The following TNFSF4 variants were observed in gnomAD, a reference collection of about 807,000 sequenced individuals.
TNFSF4 encodes the protein TNF superfamily member 4, also known as tumor necrosis factor ligand superfamily member 4.
TNFSF4 carries 4 observed loss-of-function variants against 7.3 expected under a neutral mutation model. That is an observed-to-expected ratio of 0.55 (90% CI 0.27 to 1.25). The LOEUF (loss-of-function observed/expected upper bound fraction) is 1.25. Ranked by LOEUF, TNFSF4 falls within the 50% of genes most tolerant of loss-of-function variation. The pLI, the probability that TNFSF4 is intolerant of heterozygous loss-of-function variation, is 0.12. For missense variants in TNFSF4, 181 were observed against 208.8 expected (o/e 0.87, Z 0.82); for synonymous variants, 76 against 83.7 (o/e 0.91, Z 0.50).
chr1:173,404,639 T>C, the TNFSF4 span, among the ~76,000 whole-genome samples: 1 of 152,138 alleles, frequency 6.6e-6, no homozygotes, highest in East Asian at 1.9e-4. Flanking sequence ...CTGCCATTTT[T>C]TTTTTTTTTT....
the TNFSF4 span, among the ~76,000 whole-genome samples, chr1:173,250,464 T>G: frequency 6.9e-5 from 8 of 116,756 alleles, no homozygotes; most frequent in South Asian, 2.8e-4. Context: ...TGTTTTTTTG[T>G]TTTTTTTTTT....
the TNFSF4 span, among the ~76,000 whole-genome samples, chr1:173,271,671 T>C: frequency 6.6e-6 from 1 of 152,092 alleles, no homozygotes; most frequent in Non-Finnish European, 1.5e-5. Flanking sequence ...CCAGTTAGAA[T>C]GGCGATCATT....
At chr1:173,382,152 G>A in the TNFSF4 span, among the ~76,000 whole-genome samples, 11 of 152,154 alleles carry the variant, frequency 7.2e-5, no homozygotes, top group East Asian at 1.2e-3. Flanking sequence ...CACTCACTGC[G>A]AAGGTCTGCA....
chr1:173,195,125 T>C (rs1649645221), intron 1 of TNFSF4, among the ~76,000 whole-genome samples: 1 of 152,152 alleles, frequency 6.6e-6, no homozygotes. Context: ...ACATCCCTTC[T>C]CTTTATCCTA....
chr1:173,363,475 T>C, the TNFSF4 span: 12 of 416,172 alleles, frequency 2.9e-5, no homozygotes, highest in African/African-American at 1.5e-4. Flanking sequence ...TTTCACACTT[T>C]CTTCTGCCAG....
chr1:173,316,212 G>A, the TNFSF4 span, among the ~76,000 whole-genome samples: 16 of 152,088 alleles, frequency 1.1e-4, no homozygotes, highest in Middle Eastern at 6.8e-3. Context: ...TCAAAAATAA[G>A]TTGACCATAT....
the TNFSF4 span, among the ~76,000 whole-genome samples, chr1:173,237,481 A>T: frequency 6.6e-6 from 1 of 152,236 alleles, no homozygotes; most frequent in South Asian, 2.1e-4. Context: ...ATGCTTGCAG[A>T]TGACATGATT....
chr1:173,330,060 G>T, the TNFSF4 span, among the ~76,000 whole-genome samples: 1 of 151,952 alleles, frequency 6.6e-6, no homozygotes, highest in Non-Finnish European at 1.5e-5. Flanking sequence ...AGTAACACTG[G>T]TACTTTCAAA....
chr1:173,243,889 C>T, the TNFSF4 span, among the ~76,000 whole-genome samples: 2 of 152,216 alleles, frequency 1.3e-5, no homozygotes, highest in African/African-American at 2.4e-5. Flanking sequence ...TACTTCACAA[C>T]CATTTTAATC....
intron 1 of TNFSF4, among the ~76,000 whole-genome samples, chr1:173,191,163 G>A (rs1164125549): frequency 6.6e-6 from 1 of 152,126 alleles, no homozygotes; most frequent in African/African-American, 2.4e-5. Flanking sequence ...ATGAAGTAAG[G>A]GTGGCAGTGA....
the TNFSF4 span, among the ~76,000 whole-genome samples, chr1:173,259,264 G>A: frequency 6.6e-6 from 1 of 152,046 alleles, no homozygotes; most frequent in African/African-American, 2.4e-5. Context: ...TATTGAAGAA[G>A]GGCTTGACTG....
the TNFSF4 span, among the ~76,000 whole-genome samples, chr1:173,448,772 C>A: frequency 0.011 from 1,708 of 152,240 alleles, 29 homozygotes; most frequent in African/African-American, 0.038. Context: ...ATTTTCACTT[C>A]TTTTGTGATT....
chr1:173,268,916 T>C, the TNFSF4 span, among the ~76,000 whole-genome samples: 1 of 152,142 alleles, frequency 6.6e-6, no homozygotes, highest in Non-Finnish European at 1.5e-5. Context: ...GCACCTACCA[T>C]ATTTGAAATC....
At chr1:173,225,221 A>G in the TNFSF4 span, among the ~76,000 whole-genome samples, 1 of 152,164 alleles carries the variant, frequency 6.6e-6, no homozygotes, top group Non-Finnish European at 1.5e-5. Flanking sequence ...CCCTAACACT[A>G]AAAGAGGAAT....
At chr1:173,301,684 C>T in the TNFSF4 span, among the ~76,000 whole-genome samples, 1 of 151,816 alleles carries the variant, frequency 6.6e-6, no homozygotes, top group East Asian at 1.9e-4. Flanking sequence ...ACCTCCTCAT[C>T]CAACACCACC....
chr1:173,315,123 G>A, the TNFSF4 span, among the ~76,000 whole-genome samples: 4 of 152,096 alleles, frequency 2.6e-5, no homozygotes, highest in African/African-American at 7.2e-5. Context: ...TTTTTTACGT[G>A]TGACCTAAGT....
chr1:173,353,392 A>G, the TNFSF4 span, among the ~76,000 whole-genome samples: 1 of 152,214 alleles, frequency 6.6e-6, no homozygotes, highest in Non-Finnish European at 1.5e-5. Context: ...TCATGGCTTC[A>G]GCAGGTCCCT....
At chr1:173,389,125 A>T in the TNFSF4 span, among the ~76,000 whole-genome samples, 1 of 152,222 alleles carries the variant, frequency 6.6e-6, no homozygotes, top group African/African-American at 2.4e-5. Flanking sequence ...GAAAAACTAA[A>T]GCTATCATCA....
the TNFSF4 span, among the ~76,000 whole-genome samples, chr1:173,420,231 A>C: frequency 6.6e-6 from 1 of 152,282 alleles, no homozygotes; most frequent in South Asian, 2.1e-4. Flanking sequence ...AAAGTAAAAA[A>C]CAGTCTACTC....
Sources: allele counts gnomAD v4.1 joint callset (sites outside exome capture counted in the v4.1 genomes callset), GRCh38; gene constraint gnomAD v4.1.1; transcripts MANE v1.5; gene names NCBI Gene and HGNC (gene_info 2026-07-23, HGNC 2026-07-21).